Variants in MAD1L1 observed in about 807,000 individuals in gnomAD.
MAD1L1 encodes mitotic spindle assembly checkpoint protein MAD1.
MAD1L1 carries 95 observed loss-of-function variants against 96.9 expected under a neutral mutation model. The ratio of observed to expected loss-of-function variants is 0.98; its 90% CI spans 0.83 to 1.16. The LOEUF is 1.16. Ranked by LOEUF, MAD1L1 falls within the 50% of genes most tolerant of loss-of-function variation. The pLI is 0.00. For synonymous variants in MAD1L1, 473 were observed against 396.6 expected (o/e 1.19, Z -2.29); for missense variants, 1,007 against 954.4 (o/e 1.06, Z -0.73).
chr7:1,952,788 G>T (rs1304398532), intron 16 of MAD1L1, among the ~76,000 whole-genome samples: 1 of 152,244 alleles, frequency 6.6e-6, no homozygotes, highest in Non-Finnish European at 1.5e-5. Context: ...CGGTCCAGAG[G>T]CCACACTCTG....
At chr7:2,072,793 C>G (rs1049078884) in intron 11 of MAD1L1, among the ~76,000 whole-genome samples, 9 of 152,222 alleles carry the variant, frequency 5.9e-5, no homozygotes, top group African/African-American at 2.2e-4. Context: ...GGGAAGCACC[C>G]TCAGCTCAGC....
rs145327421 is a variant in MAD1L1 at position 2,056,753 on chromosome 7, G to T, written c.1218+12441C>A. On this transcript the variant is annotated intron_variant, in intron 12 of 18. Transcript: ENST00000265854. ...GTGTGGCTCCAAGAGGCAGCCCAGG[G>T]GGACTGTTGTGGGGCCACAGAAACC... Among the ~76,000 whole-genome samples, 465 of 152,284 alleles carry T rather than the reference G, an allele frequency of 3.1e-3. 4 individuals are homozygous for T. The highest frequency in any genetic ancestry group is 0.011 in the African/African-American group (445 of 41,548).
chr7:2,094,428 C>T (rs1465055887), intron 11 of MAD1L1, among the ~76,000 whole-genome samples: 6 of 152,156 alleles, frequency 3.9e-5, no homozygotes, highest in South Asian at 4.2e-4. Context: ...AGTGACAAGA[C>T]GGATGAGAAA....
chr7:2,220,201 G>A (rs148982732), intron 5 of MAD1L1, among the ~76,000 whole-genome samples: 151 of 152,318 alleles, frequency 9.9e-4, no homozygotes, highest in Admixed American at 2.1e-3. Context: ...GAGGCCGTGC[G>A]CTTGGAACGG....
At chr7:1,859,556 T>C (rs1175025241) in intron 18 of MAD1L1, among the ~76,000 whole-genome samples, 2 of 152,170 alleles carry the variant, frequency 1.3e-5, no homozygotes, top group African/African-American at 4.8e-5. Context: ...CAGGACTTTA[T>C]GTTTTTCTCT....
chr7:1,858,010 T>A (rs1201796738), intron 18 of MAD1L1, among the ~76,000 whole-genome samples: 1 of 152,162 alleles, frequency 6.6e-6, no homozygotes, highest in Non-Finnish European at 1.5e-5. Context: ...GCCCGAACTT[T>A]CCTCCCTGCC....
chr7:1,871,530 C>CCCAACATATGCCTGCCAGGCT (rs1562476902), intron 18 of MAD1L1, among the ~76,000 whole-genome samples: 3 of 126,216 alleles, frequency 2.4e-5, no homozygotes, highest in Non-Finnish European at 3.3e-5. Flanking sequence ...CCTGCCACGC[C>CCCAACATATGCCTGCCAGGCT]GAACCCAACA....
chr7:1,841,279 G>A (rs1783241660), intron 18 of MAD1L1, among the ~76,000 whole-genome samples: 1 of 152,240 alleles, frequency 6.6e-6, no homozygotes, highest in Non-Finnish European at 1.5e-5. Flanking sequence ...CACATGGGGG[G>A]CGAGGACAGC....
intron 18 of MAD1L1, among the ~76,000 whole-genome samples, chr7:1,865,984 C>T (rs536337472): frequency 1.5e-4 from 23 of 152,362 alleles, no homozygotes; most frequent in Admixed American, 6.5e-4. Context: ...AGCCGTGATG[C>T]GCCCCAGGGG....
At chr7:2,001,464 C>G (rs535036375) in intron 14 of MAD1L1, among the ~76,000 whole-genome samples, 9 of 152,396 alleles carry the variant, frequency 5.9e-5, no homozygotes, top group Admixed American at 5.9e-4. Flanking sequence ...GAGAGCCTGC[C>G]TGGTCCCCCA....
At chr7:1,841,974 G>T (rs1412121399) in intron 18 of MAD1L1, among the ~76,000 whole-genome samples, 1 of 152,180 alleles carries the variant, frequency 6.6e-6, no homozygotes, top group South Asian at 2.1e-4. Flanking sequence ...CTGCCTGCTC[G>T]CCGCGCTCGG....
intron 5 of MAD1L1, chr7:2,220,882 A>C: frequency 6.2e-7 from 1 of 1,609,150 alleles, no homozygotes; most frequent in Non-Finnish European, 8.5e-7. Flanking sequence ...ATTAATACGC[A>C]CCGTGTGCCA....
At chr7:1,976,425 C>T (rs1057487694) in intron 15 of MAD1L1, among the ~76,000 whole-genome samples, 3 of 152,162 alleles carry the variant, frequency 2.0e-5, no homozygotes, top group Admixed American at 2.0e-4. Context: ...GCTCTTAAGG[C>T]AGCACGTCTG....
At chr7:1,867,024 C>T (rs549812934) in intron 18 of MAD1L1, among the ~76,000 whole-genome samples, 2 of 152,290 alleles carry the variant, frequency 1.3e-5, no homozygotes, top group African/African-American at 2.4e-5. Flanking sequence ...GGCTCCTGAC[C>T]GCAGAGTGGG....
At chr7:2,222,075 C>CT (rs570570176) in intron 5 of MAD1L1, among the ~76,000 whole-genome samples, 404 of 141,682 alleles carry the variant, frequency 2.9e-3, no homozygotes, top group East Asian at 5.3e-3. Flanking sequence ...AAGTGCTTAA[C>CT]TTTTTTTTTT....
chr7:2,111,574 G>T (rs1202630431), intron 11 of MAD1L1, among the ~76,000 whole-genome samples: 1 of 152,210 alleles, frequency 6.6e-6, no homozygotes, highest in Non-Finnish European at 1.5e-5. Flanking sequence ...GGGGAAAAGG[G>T]GCTACAACTC....
chr7:2,074,135 C>T (rs144350373), intron 11 of MAD1L1, among the ~76,000 whole-genome samples: 122 of 152,278 alleles, frequency 8.0e-4, no homozygotes, highest in East Asian at 1.2e-3. Context: ...TGGGTGAGGA[C>T]GGCCACATGC....
At chr7:1,914,882 G>A (rs896165567) in intron 17 of MAD1L1, among the ~76,000 whole-genome samples, 25 of 152,338 alleles carry the variant, frequency 1.6e-4, no homozygotes, top group African/African-American at 6.0e-4. Flanking sequence ...CCAAAGCGTT[G>A]GGATGACAGG....
chr7:1,858,067 G>A (rs12672975), intron 18 of MAD1L1, among the ~76,000 whole-genome samples: 7,086 of 152,322 alleles, frequency 0.047, 316 homozygotes, highest in African/African-American at 0.11. Context: ...GAAAATGCAC[G>A]TTTCCATGTG....
Sources: allele counts gnomAD v4.1 joint callset (sites outside exome capture counted in the v4.1 genomes callset), GRCh38; gene constraint gnomAD v4.1.1; transcripts MANE v1.5; gene names NCBI Gene and HGNC (gene_info 2026-07-23, HGNC 2026-07-21).